Variants in GRIK2 observed in about 807,000 individuals in gnomAD.
GRIK2 encodes glutamate ionotropic receptor kainate type subunit 2.
GRIK2 carries 32 observed loss-of-function variants against 100.3 expected under a neutral mutation model. That is an observed-to-expected ratio of 0.32 (90% CI 0.24 to 0.43). GRIK2 has a LOEUF of 0.43. GRIK2 is among the 20% of genes least tolerant of loss of function. The pLI, the probability that GRIK2 is intolerant of heterozygous loss-of-function variation, is 1.00. For missense variants in GRIK2, 843 were observed against 1,114.9 expected, an observed-to-expected ratio of 0.76 and a Z score of 3.47; for synonymous variants, 417 against 389.4, an observed-to-expected ratio of 1.07 and a Z score of -0.83.
intron 2 of GRIK2, among the ~76,000 whole-genome samples, chr6:101,590,865 A>G (rs571592885): frequency 1.3e-5 from 2 of 152,096 alleles, no homozygotes; most frequent in East Asian, 1.9e-4. Flanking sequence ...CTCTCTTTAC[A>G]TGAAATTTTA....
chr6:101,563,657 T>C (rs568569949), intron 2 of GRIK2, among the ~76,000 whole-genome samples: 3 of 152,294 alleles, frequency 2.0e-5, no homozygotes, highest in African/African-American at 7.2e-5. Context: ...AGGAAAAATA[T>C]AAGGCATCAT....
At chr6:101,807,354 C>T (rs1427722102) in intron 9 of GRIK2, among the ~76,000 whole-genome samples, 1 of 151,950 alleles carries the variant, frequency 6.6e-6, no homozygotes, top group Non-Finnish European at 1.5e-5. Context: ...ACTCTCTGAC[C>T]TTCCAGTATT....
intron 2 of GRIK2, among the ~76,000 whole-genome samples, chr6:101,464,353 A>G (rs9498595): frequency 0.04 from 6,090 of 152,072 alleles, 433 homozygotes; most frequent in African/African-American, 0.14. Flanking sequence ...GATTAATAAA[A>G]CTACTTTCTA....
chr6:102,028,313 A>G (rs532429905), intron 14 of GRIK2, among the ~76,000 whole-genome samples: 1 of 151,224 alleles, frequency 6.6e-6, no homozygotes, highest in Non-Finnish European at 1.5e-5. Flanking sequence ...GATGTTTCAC[A>G]ATCCATGAAA....
chr6:101,533,853 C>T (rs1322312606), intron 2 of GRIK2, among the ~76,000 whole-genome samples: 3 of 151,940 alleles, frequency 2.0e-5, no homozygotes, highest in Non-Finnish European at 4.4e-5. Context: ...CATGACTATC[C>T]AGGTATGCTG....
intron 2 of GRIK2, among the ~76,000 whole-genome samples, chr6:101,590,812 A>G (rs1385497430): frequency 6.6e-6 from 1 of 152,032 alleles, no homozygotes; most frequent in Non-Finnish European, 1.5e-5. Flanking sequence ...TTAGATTTTT[A>G]AAAATTCATT....
chr6:101,845,416 T>C (rs946375786), intron 10 of GRIK2, among the ~76,000 whole-genome samples: 1 of 152,224 alleles, frequency 6.6e-6, no homozygotes, highest in African/African-American at 2.4e-5. Flanking sequence ...ATGTACTGTG[T>C]GGCTTTTTGT....
chr6:101,976,326 C>T (rs911775096), intron 14 of GRIK2, among the ~76,000 whole-genome samples: 1 of 151,526 alleles, frequency 6.6e-6, no homozygotes, highest in Non-Finnish European at 1.5e-5. Flanking sequence ...ATATTTTTTC[C>T]AGATTGTTTA....
Position 101,818,477 on chromosome 6 carries a change from C to A in GRIK2, c.1311C>A (p.Thr437=). The A allele has an allele frequency of 6.4e-7, 1 of 1,554,750 alleles. No individual in the cohort carries two copies. The highest frequency in any genetic ancestry group is 8.9e-7 in the Non-Finnish European group (1 of 1,126,216). The change falls in exon 10 of 17, where the codon ACC becomes ACA. Residue 437 remains threonine (T), a synonymous_variant. Coordinates refer to ENST00000369134, the MANE Select transcript of GRIK2 (RefSeq NM_021956.5). ...SLSNRSLIVT[T]ILEEPYVLFK... is the part of the protein sequence containing the mutation. ...CCAATCGTTCTTTGATTGTTACCAC[C>A]ATTTTGGTAAGTATTTGCTTTTCCA...
chr6:101,836,574 C>A (rs1783108670), intron 10 of GRIK2, among the ~76,000 whole-genome samples: 1 of 144,592 alleles, frequency 6.9e-6, no homozygotes, highest in East Asian at 2.0e-4. Flanking sequence ...GCAGAAGCTA[C>A]ATTATATGTG....
chr6:101,537,145 G>C (rs532119679), intron 2 of GRIK2, among the ~76,000 whole-genome samples: 186 of 151,774 alleles, frequency 1.2e-3, no homozygotes, highest in Non-Finnish European at 2.3e-3. Context: ...ATTTATTCCC[G>C]TGGAGGACTC....
intron 12 of GRIK2, among the ~76,000 whole-genome samples, chr6:101,903,784 C>A (rs1195343446): frequency 1.3e-4 from 19 of 147,946 alleles, no homozygotes; most frequent in South Asian, 4.2e-4. Flanking sequence ...GAAGTTGGAG[C>A]AAAAAAAAAA....
intron 2 of GRIK2, among the ~76,000 whole-genome samples, chr6:101,490,124 A>G (rs779941606): frequency 2.1e-5 from 3 of 145,724 alleles, no homozygotes; most frequent in Non-Finnish European, 4.5e-5. Context: ...TACTCTTTAC[A>G]GAAGAATGAA....
At chr6:101,717,492 A>G (rs1427255168) in intron 7 of GRIK2, among the ~76,000 whole-genome samples, 4 of 151,852 alleles carry the variant, frequency 2.6e-5, no homozygotes, top group Non-Finnish European at 4.4e-5. Flanking sequence ...TTGGGAAGAA[A>G]TTAATTCCTT....
chr6:101,760,343 T>C (rs1185651840), intron 7 of GRIK2, among the ~76,000 whole-genome samples: 1 of 107,628 alleles, frequency 9.3e-6, no homozygotes, highest in Non-Finnish European at 1.7e-5. Flanking sequence ...ATATTTATTA[T>C]ATATAATTAA....
chr6:101,835,505 C>G (rs1290751623), intron 10 of GRIK2, among the ~76,000 whole-genome samples: 2 of 123,236 alleles, frequency 1.6e-5, no homozygotes, highest in African/African-American at 6.3e-5. Context: ...AAATCTCACT[C>G]TGTCGCCCAG....
chr6:101,999,112 A>T (rs554011993), intron 14 of GRIK2, among the ~76,000 whole-genome samples: 1 of 152,000 alleles, frequency 6.6e-6, no homozygotes, highest in African/African-American at 2.4e-5. Flanking sequence ...ATTTTTCTAT[A>T]ACAATACTAC....
chr6:101,638,015 T>A (rs1231492842), intron 4 of GRIK2, among the ~76,000 whole-genome samples: 1 of 151,994 alleles, frequency 6.6e-6, no homozygotes, highest in Non-Finnish European at 1.5e-5. Flanking sequence ...TATTTCTTGA[T>A]GCAAGAGTTA....
chr6:101,827,032 T>C (rs1782379021), intron 10 of GRIK2, among the ~76,000 whole-genome samples: 1 of 151,964 alleles, frequency 6.6e-6, no homozygotes. Context: ...GAAGTTATTC[T>C]CATCTTCCCA....
Sources: allele counts gnomAD v4.1 joint callset (sites outside exome capture counted in the v4.1 genomes callset), GRCh38; gene constraint gnomAD v4.1.1; transcripts MANE v1.5; gene names NCBI Gene and HGNC (gene_info 2026-07-23, HGNC 2026-07-21).